GABRE: variants seen among roughly 807,000 people sequenced by gnomAD.
The protein encoded by GABRE is gamma-aminobutyric acid type A receptor subunit epsilon, also known as gamma-aminobutyric acid receptor subunit epsilon.
In GABRE, 20 loss-of-function variants were observed where a neutral mutation model predicts 31.0. The ratio of observed to expected loss-of-function variants is 0.64; its 90% CI spans 0.45 to 0.94. GABRE has a LOEUF of 0.94. Ranked by LOEUF, GABRE falls within the 40% of genes least tolerant of loss-of-function variation. The pLI is 0.00. For synonymous variants in GABRE, 155 were observed against 150.6 expected (o/e 1.03, Z -0.21); for missense variants, 420 against 410.7 (o/e 1.02, Z -0.20).
At chrX:151,956,118 A>G (rs1161623828) in intron 6 of GABRE, 2 of 338,906 alleles carry the variant, frequency 5.9e-6, no homozygotes, top group Non-Finnish European at 5.1e-6. Context: ...CCTACACCCA[A>G]TGTCTGTCTC....
At chrX:151,972,376 G>C (rs1934735192) in intron 1 of GABRE, 1 of 751,353 alleles carries the variant, frequency 1.3e-6, no homozygotes, top group African/African-American at 2.3e-5. Context: ...AAAGATAAGG[G>C]CCAGTGACTA....
Position 151,955,828 on chromosome X carries a change from C to T in GABRE, c.817G>A (p.Val273Met), listed in dbSNP as rs150357864. The change falls in exon 7 of 9, where the codon GTG becomes ATG. Residue 273 changes from valine (V) to methionine (M), a missense_variant. Transcript: ENST00000370328. ...DFMVMTIFFNVSRRFGYVAFQ... is the reference protein window; with the variant it reads ...DFMVMTIFFNMSRRFGYVAFQ... ...GCAACATAGCCAAACCGCCTGCTCA[C>T]ATTGAAGAAAATCGTCATGACCATG... is the stretch of plus-strand genomic sequence containing the variant. The T allele has an allele frequency of 7.4e-6, 9 of 1,210,453 alleles. No individual in the cohort carries two copies. The African/African-American group carries it at 1.6e-4, about 21-fold the overall frequency.
Position 151,968,671 on chromosome X carries a change from C to T in GABRE, c.342+998G>A, listed in dbSNP as rs190474318. 7.1e-5 allele frequency among the ~76,000 whole-genome samples: 8 copies of T among 111,937 alleles called. No individual in the cohort carries two copies. The East Asian group carries it at 2.3e-3, about 32-fold the overall frequency. ...CTGTGACGGAGTTGCTTACCAAAGC[C>T]TTCCTCAGTGTCAGGCTCTGCAGAT... is the stretch of plus-strand genomic sequence containing the variant. On this transcript the variant is annotated intron_variant, in intron 3 of 8. Coordinates refer to ENST00000370328, the MANE Select transcript of GABRE (RefSeq NM_004961.4).
chrX:151,965,232 C>T (rs781390105), intron 3 of GABRE, among the ~76,000 whole-genome samples: 1 of 111,833 alleles, frequency 8.9e-6, no homozygotes, highest in African/African-American at 3.3e-5. Flanking sequence ...CAAGGAGAAT[C>T]TTTTTTTATT....
At chrX:151,971,034 T>C in intron 1 of GABRE, 1 of 783,460 alleles carries the variant, frequency 1.3e-6, no homozygotes, top group East Asian at 1.1e-4. Context: ...GAGTCCACCC[T>C]GAGCTCCACA....
intron 1 of GABRE, 43 bp downstream of exon 1, chrX:151,974,510 GGCTCCCGGGGAGAGGGA>G: frequency 2.9e-6 from 2 of 699,413 alleles, no homozygotes; most frequent in Non-Finnish European, 4.0e-6. Flanking sequence ...GAGCCGTCCC[GGCTCCCGGGGAGAGGGA>G]GCTGGGCGCG....
chrX:151,971,457 G>A, intron 1 of GABRE: 1 of 163,609 alleles, frequency 6.1e-6, no homozygotes, highest in South Asian at 1.2e-4. Context: ...ACACTGAGTG[G>A]ACAGTTGAGA....
At chrX:151,969,101 C>T (rs748806276) in intron 3 of GABRE, among the ~76,000 whole-genome samples, 12 of 112,124 alleles carry the variant, frequency 1.1e-4, no homozygotes, top group East Asian at 5.7e-4. Flanking sequence ...GACCAAAGCA[C>T]GTGGTCTCTA....
chrX:151,974,371 A>G (rs1934826670), intron 1 of GABRE, among the ~76,000 whole-genome samples, 199 bp downstream of exon 1: 1 of 111,341 alleles, frequency 9.0e-6, no homozygotes, highest in Non-Finnish European at 1.9e-5. Flanking sequence ...GGACCCCGGG[A>G]GCCCATCCTA....
chrX:151,953,696 G>A lies in GABRE; in HGVS notation c.*1005C>T, dbSNP rs767598185. On this transcript the variant is annotated 3_prime_UTR_variant, in exon 9 of 9. Transcript: ENST00000370328. The stretch of plus-strand genomic sequence containing the variant: ...TTAGAGTGCCCCGGGTATAACAGTG[G>A]ACTGGTTTATGGGTCCAGGGGTCAA... 5.4e-5 allele frequency: 6 copies of A among 112,123 alleles called. No individual in the cohort carries two copies. Among genetic ancestry groups the A allele is most frequent in the Non-Finnish European group, 9.4e-5 (5 of 53,259 alleles). 9.2% of individuals were successfully genotyped at this position (112,123 alleles called of 1,213,427 possible).
At chrX:151,973,401 T>C (rs1216388120) in intron 1 of GABRE, among the ~76,000 whole-genome samples, 1 of 111,346 alleles carries the variant, frequency 9.0e-6, no homozygotes, top group Non-Finnish European at 1.9e-5. Context: ...TGACTGGAAA[T>C]TGCTAGCACG....
chrX:151,964,633 C>T (rs1205482268), intron 3 of GABRE, among the ~76,000 whole-genome samples: 2 of 111,154 alleles, frequency 1.8e-5, no homozygotes, highest in Non-Finnish European at 3.8e-5. Flanking sequence ...AATCAAAGAT[C>T]CCAGCTCAAA....
chrX:151,967,866 C>G (rs1309078736), intron 3 of GABRE, among the ~76,000 whole-genome samples: 1 of 112,359 alleles, frequency 8.9e-6, no homozygotes, highest in African/African-American at 3.2e-5. Context: ...CCGGCAGACT[C>G]TTGAGATGTC....
rs1288918792 is a variant in GABRE at position 151,961,348 on chromosome X, C to A, written c.581G>T (p.Gly194Val). The A allele has an allele frequency of 8.3e-7, 1 of 1,203,377 alleles. No individual in the cohort carries two copies. Among genetic ancestry groups the A allele is most frequent in the Admixed American group, 2.2e-5 (1 of 45,952 alleles). ...AAATCTGAGCATGTGGAGTGAGCAT[C>A]CGGCATCAATGGTCATCCTGGAAGG... ...LYTIRMTIDA[G>V]CSLHMLRFPM... Residue 194 changes from glycine (G) to valine (V), a missense_variant, in exon 5 of 9, where the codon GGA (glycine) becomes GTA (valine). Coordinates refer to ENST00000370328, the MANE Select transcript of GABRE (RefSeq NM_004961.4).
At chrX:151,974,467 G>T (rs1456718932) in intron 1 of GABRE, 103 bp downstream of exon 1, 3 of 551,584 alleles carry the variant, frequency 5.4e-6, no homozygotes, top group East Asian at 9.0e-5. Context: ...GCGGGCGCGG[G>T]GCTCGAGGAA....
At chrX:151,971,965 C>T in intron 1 of GABRE, 1 of 596,802 alleles carries the variant, frequency 1.7e-6, no homozygotes. Flanking sequence ...GTTACACGGG[C>T]CTGTTTACTT....
chrX:151,953,782 C>G lies in GABRE; in HGVS notation c.*919G>C, dbSNP rs934857664. The G allele has an allele frequency of 9.0e-6, 1 of 111,685 alleles. No homozygotes were observed. Among genetic ancestry groups the G allele is most frequent in the Non-Finnish European group, 1.9e-5 (1 of 53,169 alleles). 9.2% of individuals were successfully genotyped at this position (111,685 alleles called of 1,213,427 possible). ...GGCACCAATCAATGGCGAGTAATGC[C>G]TGTTGCAAAGCCGAGTTTCCTTAGT... On this transcript the variant is annotated 3_prime_UTR_variant, in exon 9 of 9. Coordinates refer to ENST00000370328, the MANE Select transcript of GABRE (RefSeq NM_004961.4).
chrX:151,969,790 G>T, intron 2 of GABRE, 54 bp from the exon 3 acceptor site: 3 of 1,192,985 alleles, frequency 2.5e-6, no homozygotes, highest in Non-Finnish European at 3.4e-6. Context: ...CGCATGGGAC[G>T]GGGGAGGAAG....
intron 1 of GABRE, chrX:151,972,224 C>G: frequency 1.3e-6 from 1 of 753,556 alleles, no homozygotes; most frequent in Non-Finnish European, 1.6e-6. Flanking sequence ...TGTGCCAAAT[C>G]CACACCATTT....
Sources: allele counts gnomAD v4.1 joint callset (sites outside exome capture counted in the v4.1 genomes callset), GRCh38; gene constraint gnomAD v4.1.1; transcripts MANE v1.5; gene names NCBI Gene and HGNC (gene_info 2026-07-23, HGNC 2026-07-21).